SIAH3: variants seen among roughly 807,000 people sequenced by gnomAD.
SIAH3 encodes siah E3 ubiquitin protein ligase family member 3.
SIAH3 carries 9 observed loss-of-function variants against 12.6 expected under a neutral mutation model. The ratio of observed to expected loss-of-function variants is 0.72; its 90% CI spans 0.43 to 1.25. The LOEUF (loss-of-function observed/expected upper bound fraction) is 1.25, where lower values mean the gene tolerates loss of function less well. Ranked by LOEUF, SIAH3 falls within the 50% of genes most tolerant of loss-of-function variation. The pLI is 0.00. For synonymous variants in SIAH3, 154 were observed against 151.1 expected (o/e 1.02, Z -0.14); for missense variants, 390 against 365.4 (o/e 1.07, Z -0.55).
chr13:45,818,110 T>C (rs75478933), intron 1 of SIAH3, among the ~76,000 whole-genome samples: 1 of 152,174 alleles, frequency 6.6e-6, no homozygotes, highest in Non-Finnish European at 1.5e-5. Context: ...AGGACAACTC[T>C]GAGGTATCCT....
chr13:45,815,445 T>TCTGC (rs1282471777), intron 1 of SIAH3, among the ~76,000 whole-genome samples: 1 of 152,182 alleles, frequency 6.6e-6, no homozygotes, highest in Non-Finnish European at 1.5e-5. Flanking sequence ...GGGTCTCCAG[T>TCTGC]CTGCCTGCCT....
chr13:45,820,891 G>A (rs575953328), intron 1 of SIAH3, among the ~76,000 whole-genome samples: 16 of 152,254 alleles, frequency 1.1e-4, no homozygotes, highest in South Asian at 6.2e-4. Context: ...CCCTCTGCAC[G>A]TAACATACTC....
intron 1 of SIAH3, among the ~76,000 whole-genome samples, chr13:45,784,398 GTTTTTTTT>G (rs35686357): frequency 2.0e-3 from 134 of 65,844 alleles, no homozygotes; most frequent in Admixed American, 9.0e-3. Flanking sequence ...AAAGACAGCT[GTTTTTTTT>G]TTTTTTTTTT....
Position 45,783,564 on chromosome 13 carries a change from C to T in SIAH3, c.629G>A (p.Arg210Gln), listed in dbSNP as rs1193045104. 6.2e-7 allele frequency: 1 copy of T among 1,614,182 alleles called. No homozygotes were observed. The highest frequency in any genetic ancestry group is 1.7e-5 in the Admixed American group (1 of 60,020). The change falls in exon 2 of 2, where the codon CGG becomes CAG. Residue 210 changes from arginine (R) to glutamine (Q), a missense_variant. Coordinates refer to ENST00000400405, the MANE Select transcript of SIAH3 (RefSeq NM_198849.3). ...TYRLELNRNH[R>Q]RLKWEATPRS... Reference sequence around the variant, plus strand: ...GGGCGTGGCCTCCCACTTGAGGCGCCGATGGTTTCTGTTGAGCTCCAGGCG... The same window carrying T: ...GGGCGTGGCCTCCCACTTGAGGCGCTGATGGTTTCTGTTGAGCTCCAGGCG...
intron 1 of SIAH3, among the ~76,000 whole-genome samples, chr13:45,833,086 C>A (rs994853443): frequency 2.4e-4 from 37 of 152,184 alleles, no homozygotes; most frequent in Non-Finnish European, 7.3e-5. Flanking sequence ...AAAGAGGTGA[C>A]AAATTTGGGA....
chr13:45,839,874 C>A (rs1404366196), intron 1 of SIAH3, among the ~76,000 whole-genome samples: 1 of 152,068 alleles, frequency 6.6e-6, no homozygotes, highest in Admixed American at 6.5e-5. Context: ...TTTTACCAAG[C>A]CTGAATTTGG....
chr13:45,786,114 C>G (rs9562616), intron 1 of SIAH3, among the ~76,000 whole-genome samples: 9 of 151,924 alleles, frequency 5.9e-5, no homozygotes, highest in South Asian at 2.1e-4. Context: ...GTGATTTGGT[C>G]GGGGGGGTTT....
chr13:45,788,428 T>C (rs182910259), intron 1 of SIAH3, among the ~76,000 whole-genome samples: 117 of 152,336 alleles, frequency 7.7e-4, no homozygotes, highest in Admixed American at 1.5e-3. Context: ...AGTGGATGCC[T>C]TCCTTCCATT....
chr13:45,843,032 C>CTGTGTGTGTG (rs746384493), intron 1 of SIAH3, among the ~76,000 whole-genome samples: 100 of 127,008 alleles, frequency 7.9e-4, no homozygotes, highest in African/African-American at 2.7e-3. Flanking sequence ...CTCTCTCTCT[C>CTGTGTGTGTG]TCTGTGTGTG....
At chr13:45,805,462 T>C (rs1196152574) in intron 1 of SIAH3, among the ~76,000 whole-genome samples, 2 of 151,952 alleles carry the variant, frequency 1.3e-5, no homozygotes, top group African/African-American at 4.8e-5. Flanking sequence ...AAGTTGACAA[T>C]AACAAGCAAT....
At chr13:45,814,732 C>CTTTTTTTTTTTT (rs11386908) in intron 1 of SIAH3, among the ~76,000 whole-genome samples, 2 of 146,766 alleles carry the variant, frequency 1.4e-5, no homozygotes, top group African/African-American at 5.2e-5. Context: ...TTTGCCATTA[C>CTTTTTTTTTTTT]TTTTTTTTTT....
chr13:45,825,912 A>T (rs1156275124), intron 1 of SIAH3, among the ~76,000 whole-genome samples: 1 of 152,010 alleles, frequency 6.6e-6, no homozygotes, highest in Non-Finnish European at 1.5e-5. Context: ...GACCATGAAG[A>T]CCAAAACCCA....
At position 45,783,503 on chromosome 13, in the gene SIAH3, C is replaced by A. The variant is rs574787859; in HGVS notation, c.690G>T (p.Thr230=). The A allele has an allele frequency of 6.8e-6, 11 of 1,614,044 alleles. No homozygotes were observed. In the African/African-American group the frequency reaches 9.3e-5, roughly 14 times the overall value. Residue 230 remains threonine, a synonymous_variant, in exon 2 of 2, where the codon ACG becomes ACT. Coordinates refer to ENST00000400405, the MANE Select transcript of SIAH3 (RefSeq NM_198849.3). ...SVLECVDSVI[T]DGDCLVLNTS... ...TGTTGAGGACGAGGCAGTCCCCGTC[C>A]GTAATCACCGAGTCCACGCACTCAA...
intron 1 of SIAH3, among the ~76,000 whole-genome samples, chr13:45,830,858 G>T (rs557969686): frequency 6.6e-6 from 1 of 152,126 alleles, no homozygotes; most frequent in Non-Finnish European, 1.5e-5. Context: ...AAGGTATTTT[G>T]GGGAGAGAGC....
intron 1 of SIAH3, among the ~76,000 whole-genome samples, chr13:45,804,228 A>G (rs1229897551): frequency 6.6e-6 from 1 of 152,158 alleles, no homozygotes; most frequent in African/African-American, 2.4e-5. Context: ...TATTAATTCT[A>G]TTAATGTGTT....
At chr13:45,819,771 C>A (rs1950648702) in intron 1 of SIAH3, among the ~76,000 whole-genome samples, 1 of 152,192 alleles carries the variant, frequency 6.6e-6, no homozygotes, top group Admixed American at 6.5e-5. Flanking sequence ...GGGACCTAGT[C>A]TCTTCCCTCA....
rs185590565 is a variant in SIAH3 at position 45,831,021 on chromosome 13, A to G, written c.135+20474T>C. 2.5e-3 allele frequency among the ~76,000 whole-genome samples: 376 copies of G among 152,098 alleles called. 2 individuals are homozygous for G. The highest frequency in any genetic ancestry group is 8.8e-3 in the African/African-American group (366 of 41,480). On this transcript the variant is annotated intron_variant, in intron 1 of 1. Transcript: ENST00000400405. ...TGGCGAAACCCCGTCTTTACTAAAA[A>G]TACAAAAATTGGCCAGGCATGGTGG...
Position 45,777,879 on chromosome 13 carries a change from C to G in SIAH3, c.*5504G>C, listed in dbSNP as rs1423225607. 1 of 152,230 alleles carries G rather than the reference C, an allele frequency of 6.6e-6. No individual in the cohort carries two copies. The highest frequency in any genetic ancestry group is 1.5e-5 in the Non-Finnish European group (1 of 68,046). 9.4% of individuals were successfully genotyped at this position (152,230 alleles called of 1,614,324 possible). A position where few individuals can be genotyped will look rare whatever the true frequency, so the allele number is the denominator to read the frequency against. ...ACTGAAACCACTGGGATCAGAGTAACTGATGCACTATTGACCTTGAAGATT... is the reference window on the plus strand; with the variant it reads ...ACTGAAACCACTGGGATCAGAGTAAGTGATGCACTATTGACCTTGAAGATT... On this transcript the variant is annotated 3_prime_UTR_variant, in exon 2 of 2. Transcript: ENST00000400405.
intron 1 of SIAH3, among the ~76,000 whole-genome samples, chr13:45,795,371 C>T (rs948078579): frequency 2.0e-5 from 3 of 152,180 alleles, no homozygotes; most frequent in Non-Finnish European, 4.4e-5. Context: ...GTGATGCCTC[C>T]AGTCACAGAC....
Sources: allele counts gnomAD v4.1 joint callset (sites outside exome capture counted in the v4.1 genomes callset), GRCh38; gene constraint gnomAD v4.1.1; transcripts MANE v1.5; gene names NCBI Gene and HGNC (gene_info 2026-07-23, HGNC 2026-07-21).